The following PCDHGB6 variants were observed in gnomAD, a reference collection of about 807,000 sequenced individuals.
PCDHGB6 encodes protocadherin gamma subfamily B, 6.
A neutral mutation model predicts 59.1 loss-of-function variants in PCDHGB6; 51 were observed. That is an observed-to-expected ratio of 0.86 (90% CI 0.69 to 1.09). The LOEUF is 1.09. Among genes scored for constraint, PCDHGB6 ranks in the 50% least tolerant of loss-of-function variants. The probability of loss-of-function intolerance (pLI) is 0.00; values close to 1 mark genes in which losing one functional copy is unlikely to be tolerated. For missense variants in PCDHGB6, 1,148 were observed against 1,205.1 expected, an observed-to-expected ratio of 0.95 and a Z score of 0.70; for synonymous variants, 466 against 495.1, an observed-to-expected ratio of 0.94 and a Z score of 0.78.
intron 1 of PCDHGB6, chr5:141,423,740 G>T: frequency 1.4e-6 from 1 of 698,992 alleles, no homozygotes; most frequent in Non-Finnish European, 1.8e-6. Flanking sequence ...AGCCTGTTAT[G>T]AAAACTGTTT....
chr5:141,430,583 C>A, intron 1 of PCDHGB6: 1 of 490,378 alleles, frequency 2.0e-6, no homozygotes, highest in Non-Finnish European at 3.4e-6. Flanking sequence ...AGATCCTGCT[C>A]GCCTTGCACG....
chr5:141,496,923 C>T (rs963522127), intron 2 of PCDHGB6, among the ~76,000 whole-genome samples: 9 of 150,728 alleles, frequency 6.0e-5, no homozygotes, highest in East Asian at 1.9e-4. Context: ...CTGTGGTTCA[C>T]GCCTGTAATC....
chr5:141,413,785 C>T (rs771027783), intron 1 of PCDHGB6: 1 of 1,613,186 alleles, frequency 6.2e-7, no homozygotes, highest in Non-Finnish European at 8.5e-7. Flanking sequence ...GGAGCACTCC[C>T]TAGATCGCGA....
chr5:141,408,156 T>C lies in PCDHGB6; in HGVS notation c.-47T>C. The C allele has an allele frequency of 6.6e-7, 1 of 1,512,436 alleles. No homozygotes were observed. Among genetic ancestry groups the C allele is most frequent in the Non-Finnish European group, 8.9e-7 (1 of 1,127,796 alleles). The allele number at this position is 1,512,436 out of a possible 1,614,324, so 93.7% of individuals were successfully genotyped here. A position where few individuals can be genotyped will look rare whatever the true frequency, so the allele number is the denominator to read the frequency against. The stretch of plus-strand genomic sequence containing the variant: ...GCTCTTTTAGCGCGGTAGAGTGCAC[T>C]TTCTCCAACTGGAAAAGCGGGGACC... On this transcript the variant is annotated 5_prime_UTR_variant, in exon 1 of 4. Coordinates refer to ENST00000520790, the MANE Select transcript of PCDHGB6 (RefSeq NM_018926.3).
chr5:141,465,240 G>C (rs569146939), intron 1 of PCDHGB6, among the ~76,000 whole-genome samples: 22 of 152,168 alleles, frequency 1.4e-4, no homozygotes, highest in African/African-American at 5.3e-4. Flanking sequence ...TCAAGTTCAA[G>C]GCACTTTTGT....
Position 141,491,885 on chromosome 5 carries a change from G to T in PCDHGB6, c.2419-2922G>T. On this transcript the variant is annotated intron_variant, in intron 1 of 3. Transcript: ENST00000520790. The surrounding 1 kb of genome is among the most constrained non-coding windows in gnomAD (Gnocchi z 6.9). ...ACCAGAGTGGCCGATTAAGGGATGG[G>T]GCTCCGAGCACCGGGGGTGGTGGCG... The T allele has an allele frequency of 6.9e-7, 1 of 1,445,748 alleles. No homozygotes were observed. Among genetic ancestry groups the T allele is most frequent in the Non-Finnish European group, 9.1e-7 (1 of 1,093,758 alleles). The allele number at this position is 1,445,748 out of a possible 1,614,324, so 89.6% of individuals were successfully genotyped here. A position where few individuals can be genotyped will look rare whatever the true frequency, so the allele number is the denominator to read the frequency against.
intron 1 of PCDHGB6, chr5:141,422,014 C>T (rs1472942387): frequency 1.9e-6 from 3 of 1,610,040 alleles, no homozygotes; most frequent in African/African-American, 1.3e-5. Flanking sequence ...AACTCGGGTG[C>T]TGATGGTTAA....
intron 1 of PCDHGB6, among the ~76,000 whole-genome samples, chr5:141,446,149 G>T (rs2098490670): frequency 6.6e-6 from 1 of 152,178 alleles, no homozygotes; most frequent in Non-Finnish European, 1.5e-5. Context: ...GGAATAGGTG[G>T]AATATAAATT....
rs2154584583 is a variant in PCDHGB6, at chr5:141,490,717, A to G, written c.2419-4090A>G. The G allele has an allele frequency of 6.2e-7, 1 of 1,613,972 alleles. No individual in the cohort carries two copies. Among genetic ancestry groups the G allele is most frequent in the Non-Finnish European group, 8.5e-7 (1 of 1,179,936 alleles). On this transcript the variant is annotated intron_variant, in intron 1 of 3. Coordinates refer to ENST00000520790, the MANE Select transcript of PCDHGB6 (RefSeq NM_018926.3). The surrounding 1 kb of genome is among the most constrained non-coding windows in gnomAD (Gnocchi z 5.4). ...GGATAATGCCCGCCTCACCTACTCC[A>G]TTGTAGGAAATCAGGTTCAGGGAGC...
chr5:141,427,703 C>A (rs529490424), intron 1 of PCDHGB6: 2 of 957,514 alleles, frequency 2.1e-6, no homozygotes, highest in African/African-American at 1.6e-5. Flanking sequence ...CACAAGTCAG[C>A]GCCTCTGACC....
In PCDHGB6 at chr5:141,409,447, AC is replaced by A. The variant is rs779658060; in HGVS notation, c.1247del (p.Pro416GlnfsTer8). 1.4e-4 allele frequency: 222 copies of A among 1,613,890 alleles called. No homozygotes were observed. The highest frequency in any genetic ancestry group is 1.8e-4 in the Non-Finnish European group (214 of 1,179,902). ...ATGGAGCCCTGGACCGAGAGCAGAC[AC>A]CAGAATACAATGTCACCATCGTAGC... ...TDGALDREQT[P>X]EYNVTIVATD... On this transcript the variant is annotated frameshift_variant, in exon 1 of 4. Transcript: ENST00000520790. LOFTEE classifies it high-confidence loss of function.
intron 1 of PCDHGB6, chr5:141,410,849 CTTTTTTTT>C (rs759346998): frequency 2.0e-4 from 27 of 138,178 alleles, no homozygotes; most frequent in Middle Eastern, 4.3e-3. Context: ...TTGTCTTTGT[CTTTTTTTT>C]TTTTTTTTTT....
intron 1 of PCDHGB6, chr5:141,478,026 C>G: frequency 6.2e-7 from 1 of 1,614,180 alleles, no homozygotes; most frequent in Non-Finnish European, 8.5e-7. Flanking sequence ...GTCCAAGACA[C>G]AGATTCACCC....
At position 141,487,577 on chromosome 5, in the gene PCDHGB6, C is replaced by T; in HGVS notation, c.2419-7230C>T. 1 of 1,614,150 alleles carries T rather than the reference C, an allele frequency of 6.2e-7. No homozygotes were observed. Among genetic ancestry groups the T allele is most frequent in the Non-Finnish European group, 8.5e-7 (1 of 1,180,024 alleles). On this transcript the variant is annotated intron_variant, in intron 1 of 3. Transcript: ENST00000520790. This position sits in a 1 kb window ranked among gnomAD's most constrained non-coding sequence, Gnocchi z 5.0. ...ACCTATGGCAGGGGAGCCTGTTCGCCCAAGCTGCCCACCCTCTGATCTTCT... is the reference window on the plus strand; with the variant it reads ...ACCTATGGCAGGGGAGCCTGTTCGCTCAAGCTGCCCACCCTCTGATCTTCT...
intron 1 of PCDHGB6, among the ~76,000 whole-genome samples, chr5:141,426,065 G>C (rs1214623774): frequency 1.3e-5 from 2 of 152,184 alleles, no homozygotes; most frequent in East Asian, 3.8e-4. Flanking sequence ...GCAAGAACTG[G>C]AGCCTGGGAT....
Position 141,485,792 on chromosome 5 carries a change from G to T in PCDHGB6, c.2419-9015G>T, listed in dbSNP as rs114766079. 6.2e-6 allele frequency: 10 copies of T among 1,614,118 alleles called. No individual in the cohort carries two copies. In the Admixed American group the frequency reaches 1.3e-4, roughly 22 times the overall value. ...GCCTTTGGATCGAGAGAAGCAATCG[G>T]ACTACCGCCTGGTGCTGACTGCTGT... On this transcript the variant is annotated intron_variant, in intron 1 of 3. Transcript: ENST00000520790. This position sits in a 1 kb window ranked among gnomAD's most constrained non-coding sequence, Gnocchi z 5.7.
rs2099883887 is a variant in PCDHGB6, at chr5:141,511,641, ACC to A, written c.*469_*470del. 4.4e-6 allele frequency: 1 copy of A among 224,930 alleles called. No homozygotes were observed. Among genetic ancestry groups the A allele is most frequent in the Non-Finnish European group, 9.1e-6 (1 of 110,428 alleles). 13.9% of individuals were successfully genotyped at this position (224,930 alleles called of 1,614,324 possible). A position where few individuals can be genotyped will look rare whatever the true frequency, so the allele number is the denominator to read the frequency against. ...TCTGAAAAGTTGGAAGGGCATCATG[ACC>A]TCTTGGCCTCTCCTTTGATTCTCAA... On this transcript the variant is annotated 3_prime_UTR_variant, in exon 4 of 4. Coordinates refer to ENST00000520790, the MANE Select transcript of PCDHGB6 (RefSeq NM_018926.3).
chr5:141,465,056 G>A (rs908104635), intron 1 of PCDHGB6, among the ~76,000 whole-genome samples: 9 of 151,044 alleles, frequency 6.0e-5, no homozygotes, highest in Non-Finnish European at 1.3e-4. Context: ...ATATTTTTTT[G>A]AATTGTCTGT....
rs2099631185 is a variant in PCDHGB6, at chr5:141,486,568, T to C, written c.2419-8239T>C. Reference sequence around the variant, plus strand: ...AGAGGTCACATGAGGTGTTTGTTCCTGAGAACAATCGCCCAGGGGACCTGC... The same window carrying C: ...AGAGGTCACATGAGGTGTTTGTTCCCGAGAACAATCGCCCAGGGGACCTGC... On this transcript the variant is annotated intron_variant, in intron 1 of 3. Coordinates refer to ENST00000520790, the MANE Select transcript of PCDHGB6 (RefSeq NM_018926.3). The surrounding 1 kb of genome is among the most constrained non-coding windows in gnomAD (Gnocchi z 5.0). 1.9e-6 allele frequency: 3 copies of C among 1,613,862 alleles called. No homozygotes were observed. The South Asian group carries it at 3.3e-5, about 18-fold the overall frequency.
Sources: gnomAD v4.1 joint callset for allele counts (sites outside exome capture counted in the v4.1 genomes callset) on GRCh38, gnomAD v4.1.1 for gene constraint, Gnocchi (gnomAD v3.1) non-coding constraint, MANE v1.5 for transcripts, NCBI Gene and HGNC (gene_info 2026-07-23, HGNC 2026-07-21) for gene names.